The following MTHFD1L variants were observed in gnomAD, a reference collection of about 807,000 sequenced individuals.
MTHFD1L encodes the protein monofunctional C1-tetrahydrofolate synthase, mitochondrial.
A neutral mutation model predicts 119.5 loss-of-function variants in MTHFD1L; 81 were observed. That is an observed-to-expected ratio of 0.68 (90% CI 0.57 to 0.82). The LOEUF (loss-of-function observed/expected upper bound fraction) is 0.82, where lower values mean the gene tolerates loss of function less well. Ranked by LOEUF, MTHFD1L falls within the 40% of genes least tolerant of loss-of-function variation. The pLI is 0.00. For missense variants in MTHFD1L, 1,125 were observed against 1,253.4 expected (o/e 0.90, Z 1.55); for synonymous variants, 430 against 475.2 (o/e 0.90, Z 1.24).
At chr6:151,073,188 G>A (rs1308965283) in intron 26 of MTHFD1L, among the ~76,000 whole-genome samples, 2 of 152,224 alleles carry the variant, frequency 1.3e-5, no homozygotes, top group Non-Finnish European at 2.9e-5. Context: ...GAGGACCGGA[G>A]AGGAGAGAAC....
intron 9 of MTHFD1L, among the ~76,000 whole-genome samples, chr6:150,919,035 A>G (rs1788455300): frequency 1.3e-5 from 2 of 151,946 alleles, no homozygotes; most frequent in African/African-American, 2.4e-5. Context: ...TTGCATTGCT[A>G]TAAAGAAATA....
chr6:150,947,712 G>C (rs139071830), intron 15 of MTHFD1L, among the ~76,000 whole-genome samples: 1 of 151,962 alleles, frequency 6.6e-6, no homozygotes. Flanking sequence ...AAAGAACTGC[G>C]GCATCAATTA....
At chr6:151,001,860 G>C (rs1479636509) in intron 20 of MTHFD1L, among the ~76,000 whole-genome samples, 1 of 152,160 alleles carries the variant, frequency 6.6e-6, no homozygotes, top group African/African-American at 2.4e-5. Flanking sequence ...CCAAGAACTA[G>C]CAGAGGAGGT....
intron 12 of MTHFD1L, 121 bp downstream of exon 12, chr6:150,937,061 C>T (rs751631139): frequency 6.8e-5 from 85 of 1,248,010 alleles, no homozygotes; most frequent in Non-Finnish European, 8.6e-5. Flanking sequence ...CATTTCTTCA[C>T]TGCACACTCA....
intron 7 of MTHFD1L, among the ~76,000 whole-genome samples, chr6:150,901,013 CAAA>C (rs57036927): frequency 1.4e-5 from 2 of 143,840 alleles, no homozygotes; most frequent in Non-Finnish European, 1.5e-5. Flanking sequence ...AGACTCGTCT[CAAA>C]AAAAAAAAAG....
At chr6:151,038,249 A>T (rs1199101408) in intron 26 of MTHFD1L, among the ~76,000 whole-genome samples, 1 of 152,226 alleles carries the variant, frequency 6.6e-6, no homozygotes, top group East Asian at 1.9e-4. Context: ...ACAGCTCATT[A>T]TGCCTGGGGT....
At chr6:151,048,780 A>G (rs908622726) in intron 26 of MTHFD1L, among the ~76,000 whole-genome samples, 1 of 152,228 alleles carries the variant, frequency 6.6e-6, no homozygotes, top group Non-Finnish European at 1.5e-5. Context: ...CGGATCAAAT[A>G]TCCCACTGTA....
chr6:151,064,856 G>A (rs1791062982), intron 26 of MTHFD1L, among the ~76,000 whole-genome samples: 1 of 150,976 alleles, frequency 6.6e-6, no homozygotes, highest in Non-Finnish European at 1.5e-5. Context: ...AGGCTGGAGT[G>A]CAGTGGTGTG....
At chr6:150,965,558 G>A (rs974026722) in intron 19 of MTHFD1L, among the ~76,000 whole-genome samples, 1 of 152,036 alleles carries the variant, frequency 6.6e-6, no homozygotes, top group Non-Finnish European at 1.5e-5. Context: ...CTATTTGGGA[G>A]GCTGAGGCAG....
intron 8 of MTHFD1L, among the ~76,000 whole-genome samples, chr6:150,916,737 CTTT>C (rs57961829): frequency 1.8e-4 from 13 of 72,074 alleles, no homozygotes; most frequent in Admixed American, 4.3e-4. Flanking sequence ...GATTCTATCC[CTTT>C]TTTTTTTTTT....
At chr6:150,937,887 A>G (rs1219445264) in intron 12 of MTHFD1L, among the ~76,000 whole-genome samples, 1 of 152,230 alleles carries the variant, frequency 6.6e-6, no homozygotes, top group African/African-American at 2.4e-5. Context: ...AGGAAAGAGC[A>G]GTCCTTTTAC....
chr6:151,060,935 T>C (rs535958463), intron 26 of MTHFD1L, among the ~76,000 whole-genome samples: 1 of 152,134 alleles, frequency 6.6e-6, no homozygotes, highest in Non-Finnish European at 1.5e-5. Context: ...TAGAAAGTAG[T>C]AGGCAAGAAA....
At chr6:150,992,461 G>T (rs1032987317) in intron 20 of MTHFD1L, among the ~76,000 whole-genome samples, 5 of 152,196 alleles carry the variant, frequency 3.3e-5, no homozygotes, top group Non-Finnish European at 5.9e-5. Context: ...TGGGATGAGC[G>T]CATGGGATAC....
chr6:150,964,819 G>C (rs1269391529), intron 18 of MTHFD1L, 150 bp from the exon 19 acceptor site: 5 of 606,396 alleles, frequency 8.2e-6, no homozygotes, highest in Non-Finnish European at 1.5e-5. Context: ...GTGGGGAGAG[G>C]TGGACAGAGA....
chr6:150,895,849 A>G (rs967457657), intron 7 of MTHFD1L, among the ~76,000 whole-genome samples: 1 of 152,174 alleles, frequency 6.6e-6, no homozygotes, highest in South Asian at 2.1e-4. Context: ...TTACATGACA[A>G]TTCTCCTTTT....
intron 11 of MTHFD1L, among the ~76,000 whole-genome samples, chr6:150,927,913 A>G (rs1185888929): frequency 2.0e-5 from 3 of 152,258 alleles, no homozygotes; most frequent in East Asian, 1.9e-4. Context: ...TAATTGTCCA[A>G]GTGCACTGAT....
At chr6:150,961,683 T>A (rs1282566401) in intron 18 of MTHFD1L, among the ~76,000 whole-genome samples, 1 of 152,198 alleles carries the variant, frequency 6.6e-6, no homozygotes, top group Non-Finnish European at 1.5e-5. Context: ...TCAGCTGCTT[T>A]TGAAGAAATG....
At chr6:150,892,034 G>A (rs1482088326) in intron 7 of MTHFD1L, among the ~76,000 whole-genome samples, 1 of 152,200 alleles carries the variant, frequency 6.6e-6, no homozygotes, top group Non-Finnish European at 1.5e-5. Context: ...GACAGCTCAG[G>A]AAGGCAGCCT....
chr6:150,889,159 AGAGT>A (rs1413760990), intron 7 of MTHFD1L, among the ~76,000 whole-genome samples: 1 of 146,478 alleles, frequency 6.8e-6, no homozygotes, highest in African/African-American at 2.6e-5. Flanking sequence ...CCTGCGCGAC[AGAGT>A]GAGACTCCGT....
Sources: gnomAD v4.1 joint callset for allele counts (sites outside exome capture counted in the v4.1 genomes callset) on GRCh38, gnomAD v4.1.1 for gene constraint, MANE v1.5 for transcripts, NCBI Gene and HGNC (gene_info 2026-07-23, HGNC 2026-07-21) for gene names.